The following MALRD1 variants were observed in gnomAD, a reference collection of about 807,000 sequenced individuals.
MALRD1 encodes MAM and LDL receptor class A domain containing 1, also known as MAM and LDL-receptor class A domain-containing protein 1.
A neutral mutation model predicts 242.1 loss-of-function variants in MALRD1; 247 were observed. That is an observed-to-expected ratio of 1.02 (90% CI 0.92 to 1.13). The LOEUF (loss-of-function observed/expected upper bound fraction) is 1.13. Among genes scored for constraint, MALRD1 ranks in the 50% most tolerant of loss-of-function variants. The pLI, the probability that MALRD1 is intolerant of heterozygous loss-of-function variation, is 0.00. For synonymous variants in MALRD1, 995 were observed against 866.6 expected, an observed-to-expected ratio of 1.15 and a Z score of -2.60; for missense variants, 2,989 against 2,533.1, an observed-to-expected ratio of 1.18 and a Z score of -3.86.
In MALRD1 at chr10:19,203,868, A is replaced by G; in HGVS notation, c.2092A>G (p.Asn698Asp). 1.3e-6 allele frequency: 2 copies of G among 1,550,510 alleles called. No homozygotes were observed. Among genetic ancestry groups the G allele is most frequent in the Non-Finnish European group, 1.7e-6 (2 of 1,146,920 alleles). The change falls in exon 15 of 40, where the codon AAC becomes GAC. Residue 698 changes from asparagine (N) to aspartate (D), a missense_variant. Physicochemically the swap from Asn to Asp is conservative, Grantham distance 23 (BLOSUM62 1). Coordinates refer to ENST00000454679, the MANE Select transcript of MALRD1 (RefSeq NM_001142308.3). ...HQAPPRDHSL[N>D]ASQGHFMFIL... ...GGCTCCACCTCGGGATCATAGTCTCAACGCATCTCAAGGTAAGAAGCAAAC... is the reference window on the plus strand; with the variant it reads ...GGCTCCACCTCGGGATCATAGTCTCGACGCATCTCAAGGTAAGAAGCAAAC...
At chr10:19,461,302 C>T (rs1357804351) in intron 29 of MALRD1, among the ~76,000 whole-genome samples, 3 of 152,088 alleles carry the variant, frequency 2.0e-5, no homozygotes, top group Admixed American at 6.5e-5. Flanking sequence ...AGTTTAAAAT[C>T]GTTGATTAAA....
Position 19,471,489 on chromosome 10 carries a change from G to A in MALRD1, c.5030-20028G>A, listed in dbSNP as rs376602235. Among the ~76,000 whole-genome samples, 8 of 151,814 alleles carry A rather than the reference G, an allele frequency of 5.3e-5. No individual in the cohort carries two copies. The East Asian group carries it at 1.4e-3, about 26-fold the overall frequency. On this transcript the variant is annotated intron_variant, in intron 29 of 39. Transcript: ENST00000454679. ...GTGGAAAACGACTTAGAATTTGGATGTGGATTGCACTGAATGTGTGGATCA... is the reference window on the plus strand; with the variant it reads ...GTGGAAAACGACTTAGAATTTGGATATGGATTGCACTGAATGTGTGGATCA...
Position 19,136,756 on chromosome 10 carries a change from G to A in MALRD1, c.1386G>A (p.Glu462=), listed in dbSNP as rs544119268. The A allele has an allele frequency of 1.1e-5, 13 of 1,231,666 alleles. No individual in the cohort carries two copies. In the South Asian group the frequency reaches 2.5e-4, roughly 23 times the overall value. The allele number at this position is 1,231,666 out of a possible 1,614,324, so 76.3% of individuals were successfully genotyped here. The change falls in exon 10 of 40, where the codon GAG becomes GAA. Residue 462 remains glutamate, a synonymous_variant. Transcript: ENST00000454679. ...ACTCTCGGCAGGACTGCTCCGATGA[G>A]AGTGATGAAGACCCAGCAACTTGCT... ...VCDSRQDCSD[E]SDEDPATCSK...
rs536732053 is a variant in MALRD1 at position 19,563,681 on chromosome 10, A to G, written c.5479-3821A>G. ...GGCACCAGGAGTGTTTGGAAACTGCAGGAGAGGAACTTCAGGAAAAACTCC... is the reference window on the plus strand; with the variant it reads ...GGCACCAGGAGTGTTTGGAAACTGCGGGAGAGGAACTTCAGGAAAAACTCC... On this transcript the variant is annotated intron_variant, in intron 32 of 39. Coordinates refer to ENST00000454679, the MANE Select transcript of MALRD1 (RefSeq NM_001142308.3). Among the ~76,000 whole-genome samples, 5 of 152,344 alleles carry G rather than the reference A, an allele frequency of 3.3e-5. No individual in the cohort carries two copies. In the South Asian group the frequency reaches 8.3e-4, roughly 25 times the overall value.
At chr10:19,624,282 G>C (rs922024971) in intron 36 of MALRD1, among the ~76,000 whole-genome samples, 1 of 152,062 alleles carries the variant, frequency 6.6e-6, no homozygotes, top group Non-Finnish European at 1.5e-5. Context: ...TGAATAATCT[G>C]TTATATGATA....
At chr10:19,211,682 C>T (rs1837075754) in intron 18 of MALRD1, among the ~76,000 whole-genome samples, 1 of 35,856 alleles carries the variant, frequency 2.8e-5, no homozygotes, top group South Asian at 1.7e-3. Context: ...CATGACTCCT[C>T]ACAAAAAAAA....
At chr10:19,439,253 G>T (rs1053991433) in intron 28 of MALRD1, among the ~76,000 whole-genome samples, 1 of 152,160 alleles carries the variant, frequency 6.6e-6, no homozygotes, top group African/African-American at 2.4e-5. Context: ...AGAAGAAGCT[G>T]GGCATGGTGG....
intron 7 of MALRD1, among the ~76,000 whole-genome samples, chr10:19,127,193 T>C (rs1426983124): frequency 1.3e-5 from 2 of 152,236 alleles, no homozygotes; most frequent in Non-Finnish European, 2.9e-5. Flanking sequence ...GTCTTTGCTA[T>C]TGTGAATAGT....
intron 26 of MALRD1, among the ~76,000 whole-genome samples, chr10:19,373,987 C>T (rs1439174573): frequency 6.6e-6 from 1 of 152,196 alleles, no homozygotes; most frequent in Non-Finnish European, 1.5e-5. Flanking sequence ...TTCTTTACTG[C>T]TCTCTTAGCA....
At position 19,331,566 on chromosome 10, in the gene MALRD1, G is replaced by T; in HGVS notation, c.3885G>T (p.Glu1295Asp). ...ATGATTGTGCTGATAATTCAGATGA[G>T]ACTACTTTCATTTGCCGTAAGTAAA... ...FVNDCADNSD[E>D]TTFICRTSSG... The change falls in exon 24 of 40, where the codon GAG becomes GAT. Residue 1295 changes from glutamate to aspartate, a missense_variant. Transcript: ENST00000454679. 1.9e-6 allele frequency: 3 copies of T among 1,550,140 alleles called. No individual in the cohort carries two copies. The highest frequency in any genetic ancestry group is 2.4e-5 in the South Asian group (2 of 84,040).
chr10:19,154,014 A>G (rs772438856), intron 11 of MALRD1, among the ~76,000 whole-genome samples: 4 of 152,160 alleles, frequency 2.6e-5, no homozygotes, highest in Non-Finnish European at 4.4e-5. Context: ...TAGGTGGAAG[A>G]ATTTTTCAAA....
At chr10:19,631,113 A>T (rs2131646919) in intron 36 of MALRD1, among the ~76,000 whole-genome samples, 1 of 152,254 alleles carries the variant, frequency 6.6e-6, no homozygotes, top group Non-Finnish European at 1.5e-5. Flanking sequence ...AATAACCAAT[A>T]GTTATTTTTT....
chr10:19,324,571 T>C (rs973950715), intron 22 of MALRD1, among the ~76,000 whole-genome samples: 2 of 150,950 alleles, frequency 1.3e-5, no homozygotes, highest in African/African-American at 4.9e-5. Context: ...CACAGACAAC[T>C]CCAATATACA....
chr10:19,400,724 A>G (rs914357084), intron 28 of MALRD1, among the ~76,000 whole-genome samples: 1 of 152,168 alleles, frequency 6.6e-6, no homozygotes, highest in African/African-American at 2.4e-5. Context: ...TTGGAAAAAT[A>G]GAAGAAAGAG....
chr10:19,126,251 A>C (rs1325881161), intron 7 of MALRD1, among the ~76,000 whole-genome samples: 2 of 152,140 alleles, frequency 1.3e-5, no homozygotes. Context: ...TTTAATGCTC[A>C]GAATGCACAT....
chr10:19,646,160 G>A (rs1004145451), intron 36 of MALRD1, among the ~76,000 whole-genome samples: 1 of 152,142 alleles, frequency 6.6e-6, no homozygotes. Flanking sequence ...CCAAAGGTTA[G>A]CATTTCCTTT....
intron 28 of MALRD1, among the ~76,000 whole-genome samples, chr10:19,445,678 AG>A (rs1748962403): frequency 1.3e-5 from 2 of 152,148 alleles, no homozygotes; most frequent in South Asian, 4.1e-4. Flanking sequence ...TTTGTCTCAG[AG>A]GGGCACCCAG....
In MALRD1 at chr10:19,136,697, A is replaced by G. The variant is rs532880178; in HGVS notation, c.1327A>G (p.Ser443Gly). Residue 443 changes from serine to glycine, a missense_variant, in exon 10 of 40, where the codon AGT becomes GGT. Coordinates refer to ENST00000454679, the MANE Select transcript of MALRD1 (RefSeq NM_001142308.3). ...CTCTGCAGACGAATTCCCTTGCACT[A>G]GTGGCCAGTGCATCGCCAAAGAATC... Reference protein sequence around the residue: ...LCSADEFPCTSGQCIAKESVC... With the variant: ...LCSADEFPCTGGQCIAKESVC... 7.3e-6 allele frequency: 9 copies of G among 1,231,662 alleles called. No individual in the cohort carries two copies. The African/African-American group carries it at 1.2e-4, about 17-fold the overall frequency. 76.3% of individuals were successfully genotyped at this position (1,231,662 alleles called of 1,614,324 possible). A position where few individuals can be genotyped will look rare whatever the true frequency, so the allele number is the denominator to read the frequency against.
intron 2 of MALRD1, among the ~76,000 whole-genome samples, chr10:19,071,611 C>A (rs1200343138): frequency 6.6e-6 from 1 of 152,078 alleles, no homozygotes; most frequent in Non-Finnish European, 1.5e-5. Context: ...TCATTATGTT[C>A]ATCACTGAGT....
Sources: gnomAD v4.1 joint callset for allele counts (sites outside exome capture counted in the v4.1 genomes callset) on GRCh38, gnomAD v4.1.1 for gene constraint, MANE v1.5 for transcripts, NCBI Gene and HGNC (gene_info 2026-07-23, HGNC 2026-07-21) for gene names.